MLST8: variants seen among roughly 807,000 people sequenced by gnomAD.
MLST8 encodes MTOR associated protein MLST8, also known as target of rapamycin complex subunit LST8.
Under a neutral mutation model 41.3 loss-of-function variants are expected in MLST8, and 20 were observed. The ratio of observed to expected loss-of-function variants is 0.48; its 90% CI spans 0.34 to 0.70. The LOEUF is 0.70. MLST8 is among the 30% of genes least tolerant of loss of function. The pLI is 0.01. For missense variants in MLST8, 422 were observed against 454.3 expected (o/e 0.93, Z 0.65); for synonymous variants, 243 against 183.0 (o/e 1.33, Z -2.65).
At chr16:2,207,595 G>C (rs569925862) in intron 6 of MLST8, 1 of 539,170 alleles carries the variant, frequency 1.9e-6, no homozygotes, top group African/African-American at 1.9e-5. Context: ...TTTTCACTCT[G>C]TTGCCTCCTG....
rs2141388265 is a variant in MLST8 at position 2,208,909 on chromosome 16, T to C, written c.*32T>C. ...ACCCCTCGGGACTGCCTGGTGCAGG[T>C]GGTGGCAGCTGGAGGGACCCATGCA... On this transcript the variant is annotated 3_prime_UTR_variant, in exon 9 of 9. Transcript: ENST00000569417. The C allele has an allele frequency of 6.2e-7, 1 of 1,607,728 alleles. No homozygotes were observed. Among genetic ancestry groups the C allele is most frequent in the Non-Finnish European group, 8.5e-7 (1 of 1,178,074 alleles).
At position 2,207,021 on chromosome 16, in the gene MLST8, G is replaced by A. The variant is rs749626779; in HGVS notation, c.345-14G>A. On this transcript the variant is annotated splice_polypyrimidine_tract_variant and intron_variant, in intron 4 of 8. Transcript: ENST00000569417. ...AGCCCAGATGGACAGCATGTGCCCC[G>A]GCCCGGCCCGCAGGTCCCGGAACCT... 4.3e-6 allele frequency: 7 copies of A among 1,612,394 alleles called. No individual in the cohort carries two copies. In the South Asian group the frequency reaches 4.4e-5, roughly 10 times the overall value.
chr16:2,205,813 A>C, intron 1 of MLST8: 6 of 1,070,688 alleles, frequency 5.6e-6, no homozygotes, highest in South Asian at 3.5e-5. Context: ...TGGGGGGGGG[A>C]CGGCGCCCCC....
chr16:2,208,972 C>T lies in MLST8; in HGVS notation c.*95C>T, dbSNP rs191875808. On this transcript the variant is annotated 3_prime_UTR_variant, in exon 9 of 9. Coordinates refer to ENST00000569417, the MANE Select transcript of MLST8 (RefSeq NM_022372.6). Reference sequence around the variant, plus strand: ...GAGCAGACCCTCCCCTGCCGGCCTGCGCCAGCTGGACCTGATGGCCCCCTG... The same window carrying T: ...GAGCAGACCCTCCCCTGCCGGCCTGTGCCAGCTGGACCTGATGGCCCCCTG... The T allele has an allele frequency of 8.8e-4, 1,225 of 1,391,006 alleles. 12 individuals carry two copies. In the African/African-American group the frequency reaches 0.014, roughly 16 times the overall value. 86.2% of individuals were successfully genotyped at this position (1,391,006 alleles called of 1,614,324 possible). A position where few individuals can be genotyped will look rare whatever the true frequency, so the allele number is the denominator to read the frequency against.
rs904410434 is a variant in MLST8, at chr16:2,207,225, T to G, written c.453T>G (p.Ala151=). The change falls in exon 6 of 9, where the codon GCT becomes GCG. Residue 151 remains alanine (A), a synonymous_variant. Transcript: ENST00000569417. ...AELIVGDQSG[A]IHIWDLKTDH... is the part of the protein sequence containing the mutation. ...TCATCGTGGGTGACCAGAGCGGGGC[T>G]ATCCACATCTGGGACTTGAAAACAG... is the stretch of plus-strand genomic sequence containing the variant. The G allele has an allele frequency of 7.4e-6, 12 of 1,614,052 alleles. No homozygotes were observed. The highest frequency in any genetic ancestry group is 1.0e-5 in the Non-Finnish European group (12 of 1,180,026).
intron 7 of MLST8, 37 bp downstream of exon 7, chr16:2,208,371 C>CCTGGG (rs2093339304): frequency 1.2e-6 from 2 of 1,605,902 alleles, no homozygotes; most frequent in South Asian, 2.2e-5. Context: ...AGGGGACCTG[C>CCTGGG]CTGGGCTGGG....
intron 1 of MLST8, chr16:2,205,799 GA>G: frequency 9.4e-7 from 1 of 1,063,530 alleles, no homozygotes; most frequent in South Asian, 3.5e-5. Flanking sequence ...GCCGGCTGCG[GA>G]GGTGGGGGGG....
chr16:2,208,746 T>C lies in MLST8; in HGVS notation c.863-13T>C. 3 of 1,613,740 alleles carry C rather than the reference T, an allele frequency of 1.9e-6. No individual in the cohort carries two copies. Among genetic ancestry groups the C allele is most frequent in the Non-Finnish European group, 2.5e-6 (3 of 1,179,862 alleles). The stretch of plus-strand genomic sequence containing the variant: ...CACCTGCGCTCTTAGCCCTGCACAA[T>C]CTCCCCCTCCAGCTTCCTCGGACAA... On this transcript the variant is annotated splice_polypyrimidine_tract_variant and intron_variant, in intron 8 of 8. Coordinates refer to ENST00000569417, the MANE Select transcript of MLST8 (RefSeq NM_022372.6).
In MLST8 at chr16:2,209,120, C is replaced by T; in HGVS notation, c.*243C>T. On this transcript the variant is annotated 3_prime_UTR_variant, in exon 9 of 9. Transcript: ENST00000569417. The stretch of plus-strand genomic sequence containing the variant: ...TCCTGGACTGGGCTAGCCTGCACTG[C>T]CTGGGAAAGTCGGCCGAGGGCCCAA... 1.6e-6 allele frequency: 1 copy of T among 640,844 alleles called. No individual in the cohort carries two copies. The highest frequency in any genetic ancestry group is 1.9e-5 in the South Asian group (1 of 52,082). The allele number at this position is 640,844 out of a possible 1,614,324, so 39.7% of individuals were successfully genotyped here. A position where few individuals can be genotyped will look rare whatever the true frequency, so the allele number is the denominator to read the frequency against.
Position 2,206,263 on chromosome 16 carries a change from G to C in MLST8, c.129+49G>C, listed in dbSNP as rs779614079. 4 of 1,602,688 alleles carry C rather than the reference G, an allele frequency of 2.5e-6. No homozygotes were observed. The South Asian group carries it at 4.4e-5, about 18-fold the overall frequency. ...GGGCGGCGCTGGGGGGATGCCTCGT[G>C]TGGGGACCACAGCCTGTGTGAAGGC... On this transcript the variant is annotated intron_variant, in intron 2 of 8. Transcript: ENST00000569417.
rs780960842 is a variant in MLST8 at position 2,208,351 on chromosome 16, C to T, written c.698+17C>T. The stretch of plus-strand genomic sequence containing the variant: ...CGACTCCACGTGCGTGCAGGGCCTG[C>T]TGGCCCGGGAGGGGACCTGCCTGGG... On this transcript the variant is annotated intron_variant, in intron 7 of 8. Transcript: ENST00000569417. 1.2e-6 allele frequency: 2 copies of T among 1,604,678 alleles called. No individual in the cohort carries two copies. The highest frequency in any genetic ancestry group is 1.7e-6 in the Non-Finnish European group (2 of 1,174,216).
chr16:2,205,914 G>T, intron 1 of MLST8, 117 bp from the exon 2 acceptor site: 1 of 1,437,422 alleles, frequency 7.0e-7, no homozygotes, highest in South Asian at 1.5e-5. Flanking sequence ...ACCTACCTGC[G>T]CTTCTTGTCC....
intron 6 of MLST8, chr16:2,207,815 T>G: frequency 4.4e-6 from 1 of 224,798 alleles, no homozygotes; most frequent in Non-Finnish European, 8.7e-6. Flanking sequence ...CCTGCTCTTC[T>G]CTCCAGCCTC....
intron 2 of MLST8, 33 bp downstream of exon 2, chr16:2,206,247 T>C: frequency 1.2e-6 from 2 of 1,600,304 alleles, no homozygotes; most frequent in East Asian, 4.5e-5. Context: ...AGGGCGGCGC[T>C]GGGGGGATGC....
Position 2,208,970 on chromosome 16 carries a change from T to G in MLST8, c.*93T>G. On this transcript the variant is annotated 3_prime_UTR_variant, in exon 9 of 9. Transcript: ENST00000569417. ...CAGAGCAGACCCTCCCCTGCCGGCC[T>G]GCGCCAGCTGGACCTGATGGCCCCC... is the stretch of plus-strand genomic sequence containing the variant. The G allele has an allele frequency of 7.2e-7, 1 of 1,398,124 alleles. No individual in the cohort carries two copies. Among genetic ancestry groups the G allele is most frequent in the Non-Finnish European group, 1.0e-6 (1 of 1,004,012 alleles). The allele number at this position is 1,398,124 out of a possible 1,614,324, so 86.6% of individuals were successfully genotyped here.
At chr16:2,206,246 C>G in intron 2 of MLST8, 32 bp downstream of exon 2, 3 of 1,600,816 alleles carry the variant, frequency 1.9e-6, no homozygotes, top group Non-Finnish European at 2.6e-6. Flanking sequence ...CAGGGCGGCG[C>G]TGGGGGGATG....
chr16:2,205,676 G>C (rs371591976), intron 1 of MLST8, 164 bp downstream of exon 1: 8 of 990,350 alleles, frequency 8.1e-6, no homozygotes, highest in East Asian at 1.1e-4. Context: ...GCCTGCCGCT[G>C]GCCTGCTACG....
In MLST8 at chr16:2,206,194, A is replaced by G. The variant is rs1387581812; in HGVS notation, c.109A>G (p.Thr37Ala). 2.3e-5 allele frequency: 37 copies of G among 1,608,840 alleles called. No homozygotes were observed. The highest frequency in any genetic ancestry group is 6.7e-5 in the Admixed American group (4 of 59,856). Reference protein sequence around the residue: ...WQAHSGICTRTVQHQDSQVNA... With the variant: ...WQAHSGICTRAVQHQDSQVNA... The stretch of plus-strand genomic sequence containing the variant: ...GGCCCACAGCGGCATCTGCACCCGG[A>G]CGGTGCAGCACCAGGACTCCGTATC... Residue 37 changes from threonine to alanine, a missense_variant, in exon 2 of 9, where the codon ACG becomes GCG. Thr to Ala is a moderately conservative substitution (Grantham distance 58, BLOSUM62 0). Coordinates refer to ENST00000569417, the MANE Select transcript of MLST8 (RefSeq NM_022372.6).
At chr16:2,207,477 C>T (rs980007621) in intron 6 of MLST8, 132 bp downstream of exon 6, 39 of 1,167,646 alleles carry the variant, frequency 3.3e-5, no homozygotes, top group Non-Finnish European at 4.7e-5. Context: ...TAACACCCAC[C>T]TTGCCAGCAA....
Sources: allele counts gnomAD v4.1 joint callset, GRCh38; gene constraint gnomAD v4.1.1; transcripts MANE v1.5; gene names NCBI Gene and HGNC (gene_info 2026-07-23, HGNC 2026-07-21).